HDGFL3: variants seen among roughly 807,000 people sequenced by gnomAD.
The protein encoded by HDGFL3 is hepatoma-derived growth factor-related protein 3.
Under a neutral mutation model 27.6 loss-of-function variants are expected in HDGFL3, and 6 were observed. That is an observed-to-expected ratio of 0.22 (90% confidence interval 0.12 to 0.43). The LOEUF (loss-of-function observed/expected upper bound fraction) is 0.43, where lower values mean the gene tolerates loss of function less well. Ranked by LOEUF, HDGFL3 falls within the 20% of genes least tolerant of loss-of-function variation. HDGFL3 has a pLI of 1.00. For synonymous variants in HDGFL3, 88 were observed against 88.9 expected (o/e 0.99, Z 0.05); for missense variants, 207 against 250.1 (o/e 0.83, Z 1.16).
In HDGFL3 at chr15:83,119,234, G is replaced by C. The variant is rs550965327; in HGVS notation, c.394-3493C>G. ...TGGCCACCTCTCTGGTCACTGCCAA[G>C]CACCTTGTGTCAAAGATTTGGCTTG... is the stretch of plus-strand genomic sequence containing the variant. On this transcript the variant is annotated intron_variant, in intron 3 of 3. Transcript: ENST00000568294. 2.7e-4 allele frequency among the ~76,000 whole-genome samples: 41 copies of C among 152,326 alleles called. 1 individual carries two copies. Among genetic ancestry groups the C allele is most frequent in the Admixed American group, 2.5e-3 (38 of 15,302 alleles).
Position 83,136,522 on chromosome 15 carries a change from T to C in HDGFL3, c.*2748A>G. ...TTGGTGCATCTCTTCATGCTAGAAC[T>C]GCTTATGTCTACAGAGTCCCTGAAG... On this transcript the variant is annotated 3_prime_UTR_variant, in exon 6 of 6. Coordinates refer to ENST00000299633, the MANE Select transcript of HDGFL3 (RefSeq NM_016073.4). The C allele has an allele frequency of 5.0e-6, 8 of 1,606,394 alleles. No homozygotes were observed. Among genetic ancestry groups the C allele is most frequent in the Non-Finnish European group, 6.8e-6 (8 of 1,178,154 alleles).
In HDGFL3 at chr15:83,137,940, T is replaced by C. The variant is rs2036685253; in HGVS notation, c.*1330A>G. Reference sequence around the variant, plus strand: ...TAAATATGTAAGTGTAAGCAAATCATGTAGTCATCTCCCCATCATCCCCTA... The same window carrying C: ...TAAATATGTAAGTGTAAGCAAATCACGTAGTCATCTCCCCATCATCCCCTA... On this transcript the variant is annotated 3_prime_UTR_variant, in exon 6 of 6. Transcript: ENST00000299633. The C allele has an allele frequency of 6.6e-6, 1 of 151,780 alleles. No individual in the cohort carries two copies. Among genetic ancestry groups the C allele is most frequent in the Admixed American group, 6.6e-5 (1 of 15,212 alleles). 9.4% of individuals were successfully genotyped at this position (151,780 alleles called of 1,614,324 possible).
intron 3 of HDGFL3, 109 bp downstream of exon 3, chr15:83,157,794 T>A: frequency 1.8e-6 from 2 of 1,112,174 alleles, no homozygotes; most frequent in Non-Finnish European, 2.7e-6. Context: ...TCAAAAAGAA[T>A]TGTGACTTCA....
Position 83,132,796 on chromosome 15 carries a change from C to T in HDGFL3, c.*6474G>A, listed in dbSNP as rs1408566834. ...GGATAGTTGGGATACTAATGCAAATCTTGTTTTCTTCATTTGCTTCTGGTG... is the reference window on the plus strand; with the variant it reads ...GGATAGTTGGGATACTAATGCAAATTTTGTTTTCTTCATTTGCTTCTGGTG... On this transcript the variant is annotated 3_prime_UTR_variant, in exon 6 of 6. Coordinates refer to ENST00000299633, the MANE Select transcript of HDGFL3 (RefSeq NM_016073.4). The T allele has an allele frequency of 6.6e-6, 1 of 152,162 alleles. No homozygotes were observed. Among genetic ancestry groups the T allele is most frequent in the South Asian group, 2.1e-4 (1 of 4,834 alleles). The allele number at this position is 152,162 out of a possible 1,614,324, so 9.4% of individuals were successfully genotyped here.
At position 83,145,860 on chromosome 15, in the gene HDGFL3, T is replaced by TC. The variant is rs545794101; in HGVS notation, c.606+5354dup. Among the ~76,000 whole-genome samples the TC allele has an allele frequency of 9.0e-3, 1,358 of 150,364 alleles. 30 individuals are homozygous for TC. Among genetic ancestry groups the TC allele is most frequent in the African/African-American group, 0.031 (1,275 of 40,802 alleles). ...TCACTCGCTCCCATGGTTTGTTCTT[T>TC]CTTTTTTTTTTTTCTCTCTCTCTCC... is the stretch of plus-strand genomic sequence containing the variant. On this transcript the variant is annotated intron_variant, in intron 5 of 5. Transcript: ENST00000299633.
chr15:83,164,604 T>C (rs917140478), intron 1 of HDGFL3, among the ~76,000 whole-genome samples: 1 of 152,160 alleles, frequency 6.6e-6, no homozygotes, highest in Non-Finnish European at 1.5e-5. Context: ...TCTGATTATG[T>C]CACTTCCTTA....
chr15:83,188,248 TTATTTA>T, intron 1 of HDGFL3, among the ~76,000 whole-genome samples: 1 of 151,984 alleles, frequency 6.6e-6, no homozygotes, highest in Non-Finnish European at 1.5e-5. Context: ...CCCTACAGGG[TTATTTA>T]TTTTTATTTA....
chr15:83,121,801 A>G, intron 3 of HDGFL3: 3 of 733,190 alleles, frequency 4.1e-6, no homozygotes, highest in South Asian at 3.6e-5. Flanking sequence ...TCTCAATTCA[A>G]TATGTTTTGA....
intron 1 of HDGFL3, among the ~76,000 whole-genome samples, chr15:83,188,109 T>C (rs143661486): frequency 6.6e-6 from 1 of 152,218 alleles, no homozygotes; most frequent in African/African-American, 2.4e-5. Flanking sequence ...TTTGACAGCA[T>C]TAGACATTAT....
Position 83,207,229 on chromosome 15 carries a change from G to C in HDGFL3, c.84+102C>G. ...CAGCCCTCACCACAGCCGGCCGCGA[G>C]CTGCGGGCTCGGGGCTGAGGCGATG... On this transcript the variant is annotated intron_variant, in intron 1 of 5. Transcript: ENST00000299633. The surrounding 1 kb of genome is among the most constrained non-coding windows in gnomAD (Gnocchi z 4.8). The C allele has an allele frequency of 1.2e-6, 1 of 810,788 alleles. No individual in the cohort carries two copies. The highest frequency in any genetic ancestry group is 1.7e-6 in the Non-Finnish European group (1 of 593,982). 50.2% of individuals were successfully genotyped at this position (810,788 alleles called of 1,614,324 possible). A position where few individuals can be genotyped will look rare whatever the true frequency, so the allele number is the denominator to read the frequency against.
At chr15:83,153,203 TGTTAGCCAGGATGGTCTC>T (rs757152561) in intron 4 of HDGFL3, among the ~76,000 whole-genome samples, 4 of 151,990 alleles carry the variant, frequency 2.6e-5, no homozygotes, top group Non-Finnish European at 5.9e-5. Context: ...GGTTTCACTG[TGTTAGCCAGGATGGTCTC>T]GTTAGCCAGG....
At position 83,207,800 on chromosome 15, in the gene HDGFL3, C is replaced by A. The variant is rs1445203709; in HGVS notation, c.-386G>T. ...CGGGCGCGGCGCGAGCGCCGGGCCT[C>A]GCGTCTGCTCCGAATTCCTTCTCGG... On this transcript the variant is annotated 5_prime_UTR_variant, in exon 1 of 6. Coordinates refer to ENST00000299633, the MANE Select transcript of HDGFL3 (RefSeq NM_016073.4). The surrounding 1 kb of genome is among the most constrained non-coding windows in gnomAD (Gnocchi z 4.8). 6.6e-6 allele frequency: 1 copy of A among 150,402 alleles called. No individual in the cohort carries two copies. The highest frequency in any genetic ancestry group is 2.4e-5 in the African/African-American group (1 of 41,042). The allele number at this position is 150,402 out of a possible 1,614,324, so 9.3% of individuals were successfully genotyped here.
At chr15:83,115,646 A>T in exon 4 of HDGFL3, 1 of 687,108 alleles carries the variant, frequency 1.5e-6, no homozygotes. Context: ...GTACTTAGGC[A>T]GGGATGGGGA....
At chr15:83,167,206 A>G in intron 1 of HDGFL3, among the ~76,000 whole-genome samples, 1 of 152,230 alleles carries the variant, frequency 6.6e-6, no homozygotes, top group Non-Finnish European at 1.5e-5. Flanking sequence ...AAAACATAAA[A>G]GAGCAGGAGT....
At chr15:83,157,794 T>C (rs780180171) in intron 3 of HDGFL3, 109 bp downstream of exon 3, 4 of 1,112,174 alleles carry the variant, frequency 3.6e-6, no homozygotes, top group Non-Finnish European at 5.3e-6. Context: ...TCAAAAAGAA[T>C]TGTGACTTCA....
chr15:83,120,892 C>T (rs79614984), intron 3 of HDGFL3, among the ~76,000 whole-genome samples: 2,638 of 149,556 alleles, frequency 0.018, 81 homozygotes, highest in African/African-American at 0.062. Context: ...TGTTCTCCTG[C>T]TTATAATCCC....
intron 1 of HDGFL3, chr15:83,192,103 G>C (rs1453138572): frequency 1.0e-5 from 3 of 291,732 alleles, no homozygotes; most frequent in Non-Finnish European, 2.0e-5. Context: ...CACCACGCCT[G>C]GCTAATTTTT....
downstream of HDGFL3, chr15:83,126,722 G>A (rs768623546): frequency 1.3e-6 from 2 of 1,550,926 alleles, no homozygotes; most frequent in South Asian, 1.1e-5. Context: ...AGATGTGATT[G>A]TATTTTTATA....
chr15:83,147,615 C>G (rs1429121195), intron 5 of HDGFL3, among the ~76,000 whole-genome samples: 1 of 152,036 alleles, frequency 6.6e-6, no homozygotes, highest in African/African-American at 2.4e-5. Flanking sequence ...TATTGACCAA[C>G]AGAACAGAAT....
Sources: allele counts gnomAD v4.1 joint callset (sites outside exome capture counted in the v4.1 genomes callset), GRCh38; gene constraint gnomAD v4.1.1; non-coding constraint Gnocchi (gnomAD v3.1); transcripts MANE v1.5; gene names NCBI Gene and HGNC (gene_info 2026-07-23, HGNC 2026-07-21).